The following DPP10 variants were observed in gnomAD, a reference collection of about 807,000 sequenced individuals.
DPP10 encodes dipeptidyl peptidase like 10.
In DPP10, 33 loss-of-function variants were observed where a neutral mutation model predicts 120.9. The ratio of observed to expected loss-of-function variants is 0.27; its 90% confidence interval spans 0.21 to 0.37. DPP10 has a LOEUF of 0.37. DPP10 is among the 10% of genes least tolerant of loss of function. The probability of loss-of-function intolerance (pLI) is 1.00; values close to 1 mark genes in which losing one functional copy is unlikely to be tolerated. For synonymous variants in DPP10, 337 were observed against 326.1 expected, an observed-to-expected ratio of 1.03 and a Z score of -0.36; for missense variants, 816 against 942.8, an observed-to-expected ratio of 0.87 and a Z score of 1.76.
chr2:115,584,327 G>A (rs1399978860), intron 5 of DPP10, among the ~76,000 whole-genome samples: 1 of 152,072 alleles, frequency 6.6e-6, no homozygotes, highest in East Asian at 1.9e-4. Context: ...AGTGGTCATT[G>A]GCTAAATCCA....
intron 1 of DPP10, among the ~76,000 whole-genome samples, chr2:114,920,123 G>A (rs902745347): frequency 3.3e-5 from 5 of 152,198 alleles, no homozygotes; most frequent in Non-Finnish European, 5.9e-5. Flanking sequence ...CTGAGTGGCA[G>A]AATGGCTAGC....
intron 21 of DPP10, among the ~76,000 whole-genome samples, chr2:115,823,572 A>G (rs1475192636): frequency 6.6e-6 from 1 of 152,000 alleles, no homozygotes; most frequent in Non-Finnish European, 1.5e-5. Flanking sequence ...TTCATGCTTT[A>G]TTTTTCACGT....
intron 1 of DPP10, among the ~76,000 whole-genome samples, chr2:114,681,792 A>T (rs572696224): frequency 3.3e-5 from 5 of 152,126 alleles, no homozygotes; most frequent in Admixed American, 1.3e-4. Flanking sequence ...TTGTCATCCA[A>T]CATTGTTATG....
At chr2:115,569,311 G>C (rs2081201849) in intron 5 of DPP10, among the ~76,000 whole-genome samples, 1 of 152,132 alleles carries the variant, frequency 6.6e-6, no homozygotes, top group African/African-American at 2.4e-5. Flanking sequence ...TGCATCCTAA[G>C]CTTTAAAAAG....
chr2:115,478,387 A>G (rs1449679230), intron 3 of DPP10, among the ~76,000 whole-genome samples: 5 of 152,208 alleles, frequency 3.3e-5, no homozygotes. Context: ...GTTAACTAAA[A>G]TGATGTTTAA....
rs1399889953 is a variant in DPP10, at chr2:114,986,923, C to G, written c.61-322316C>G. 3.3e-5 allele frequency among the ~76,000 whole-genome samples: 5 copies of G among 152,184 alleles called. No homozygotes were observed. In the East Asian group the frequency reaches 7.7e-4, roughly 24 times the overall value. ...GTAGCTGGGGATTACAGGCACACAC[C>G]ACCATGACTGGCTAATTTTTTTTTA... On this transcript the variant is annotated intron_variant, in intron 1 of 25. Coordinates refer to ENST00000410059, the MANE Select transcript of DPP10 (RefSeq NM_020868.6).
At chr2:115,053,291 G>A (rs555985160) in intron 1 of DPP10, among the ~76,000 whole-genome samples, 1 of 152,244 alleles carries the variant, frequency 6.6e-6, no homozygotes, top group East Asian at 1.9e-4. Context: ...GCCACAAAAA[G>A]CAACACAGTA....
chr2:114,912,461 A>T (rs547638144), intron 1 of DPP10, among the ~76,000 whole-genome samples: 1 of 152,302 alleles, frequency 6.6e-6, no homozygotes, highest in East Asian at 1.9e-4. Flanking sequence ...TAATAATATT[A>T]CTAAATATAG....
chr2:115,387,673 T>TG (rs1447258668), intron 3 of DPP10, among the ~76,000 whole-genome samples: 3 of 152,178 alleles, frequency 2.0e-5, no homozygotes, highest in Non-Finnish European at 4.4e-5. Context: ...CAAACTTAAT[T>TG]GGGTATGTAA....
At chr2:114,946,900 AC>A (rs1178834062) in intron 1 of DPP10, among the ~76,000 whole-genome samples, 2 of 152,198 alleles carry the variant, frequency 1.3e-5, no homozygotes, top group South Asian at 2.1e-4. Flanking sequence ...TATTTTTCCA[AC>A]GAAGACATGA....
intron 1 of DPP10, among the ~76,000 whole-genome samples, chr2:114,956,339 C>A (rs1354200233): frequency 6.7e-6 from 1 of 148,854 alleles, no homozygotes; most frequent in African/African-American, 2.5e-5. Flanking sequence ...ATCCCATTTA[C>A]AGTAGAATAA....
intron 1 of DPP10, among the ~76,000 whole-genome samples, chr2:115,070,951 CT>C (rs1707316910): frequency 6.6e-6 from 1 of 152,092 alleles, no homozygotes; most frequent in Non-Finnish European, 1.5e-5. Context: ...AAAAACAAAT[CT>C]GCCAAATCAA....
At chr2:115,172,914 G>C (rs1344047959) in intron 1 of DPP10, among the ~76,000 whole-genome samples, 2 of 152,158 alleles carry the variant, frequency 1.3e-5, no homozygotes, top group Admixed American at 1.3e-4. Flanking sequence ...TTGAGCTCCT[G>C]TTTTGGTTGG....
intron 1 of DPP10, among the ~76,000 whole-genome samples, chr2:115,266,255 A>G (rs960249562): frequency 6.6e-6 from 1 of 152,150 alleles, no homozygotes; most frequent in Non-Finnish European, 1.5e-5. Context: ...CAATTATCTC[A>G]ACATTTATCT....
At chr2:114,599,094 T>A (rs1692157602) in intron 1 of DPP10, among the ~76,000 whole-genome samples, 1 of 151,854 alleles carries the variant, frequency 6.6e-6, no homozygotes, top group Non-Finnish European at 1.5e-5. Flanking sequence ...GGACAATTGT[T>A]ACATATTGGA....
At chr2:114,832,893 T>C (rs1256915470) in intron 1 of DPP10, among the ~76,000 whole-genome samples, 1 of 152,162 alleles carries the variant, frequency 6.6e-6, no homozygotes, top group Non-Finnish European at 1.5e-5. Context: ...TAAATGCTTA[T>C]GCTTTGAATA....
intron 5 of DPP10, among the ~76,000 whole-genome samples, chr2:115,582,097 G>T (rs999426980): frequency 6.6e-6 from 1 of 152,154 alleles, no homozygotes; most frequent in African/African-American, 2.4e-5. Flanking sequence ...CGGGTGCCTT[G>T]CGAGATCCAA....
At chr2:114,770,807 G>A (rs550269277) in intron 1 of DPP10, among the ~76,000 whole-genome samples, 9 of 152,184 alleles carry the variant, frequency 5.9e-5, no homozygotes, top group Middle Eastern at 3.4e-3. Context: ...TCATCTGTAG[G>A]TCCCTTCTCT....
intron 1 of DPP10, among the ~76,000 whole-genome samples, chr2:114,898,520 AT>A (rs1425848091): frequency 2.0e-5 from 3 of 152,104 alleles, no homozygotes; most frequent in South Asian, 2.1e-4. Flanking sequence ...AAAAAAAAAA[AT>A]AAAGGTGGTA....
Sources: gnomAD v4.1 joint callset for allele counts (sites outside exome capture counted in the v4.1 genomes callset) on GRCh38, gnomAD v4.1.1 for gene constraint, MANE v1.5 for transcripts, NCBI Gene and HGNC (gene_info 2026-07-23, HGNC 2026-07-21) for gene names.